ASIC2: variants seen among roughly 807,000 people sequenced by gnomAD.
The protein encoded by ASIC2 is acid-sensing ion channel 2.
A neutral mutation model predicts 57.3 loss-of-function variants in ASIC2; 25 were observed. The observed-to-expected ratio is 0.44, with a 90% confidence interval of 0.32 to 0.61. ASIC2 has a LOEUF of 0.61. Ranked by LOEUF, ASIC2 falls within the 20% of genes least tolerant of loss-of-function variation. The pLI, the probability that ASIC2 is intolerant of heterozygous loss-of-function variation, is 0.06. For missense variants in ASIC2, 641 were observed against 738.1 expected (o/e 0.87, Z 1.52); for synonymous variants, 319 against 307.5 (o/e 1.04, Z -0.39).
At chr17:33,499,465 C>T (rs1272331326) in intron 1 of ASIC2, among the ~76,000 whole-genome samples, 6 of 152,156 alleles carry the variant, frequency 3.9e-5, no homozygotes, top group Non-Finnish European at 8.8e-5. Flanking sequence ...CACGTAAACA[C>T]GAAGGCAGAG....
intron 1 of ASIC2, among the ~76,000 whole-genome samples, chr17:33,161,576 T>C (rs1161609567): frequency 6.6e-6 from 1 of 152,250 alleles, no homozygotes; most frequent in Non-Finnish European, 1.5e-5. Context: ...ATTTCCTTGC[T>C]TATTTTCTGC....
chr17:33,581,679 G>A (rs554914548), intron 1 of ASIC2, among the ~76,000 whole-genome samples: 73 of 152,146 alleles, frequency 4.8e-4, no homozygotes, highest in Non-Finnish European at 7.4e-4. Context: ...ATTCCTATTG[G>A]CTACCCTTTA....
At chr17:33,023,829 T>G (rs776190383) in intron 6 of ASIC2, 32 bp downstream of exon 6, 5 of 1,612,696 alleles carry the variant, frequency 3.1e-6, no homozygotes, top group Non-Finnish European at 3.4e-6. Context: ...CAGTTCCCCC[T>G]TCCCCCTGCC....
chr17:33,421,322 G>A (rs986750233), intron 1 of ASIC2, among the ~76,000 whole-genome samples: 9 of 152,198 alleles, frequency 5.9e-5, no homozygotes, highest in Admixed American at 5.2e-4. Flanking sequence ...GTAATGAGCT[G>A]ATCTGAAATA....
At chr17:34,107,193 C>T (rs968116493) in intron 1 of ASIC2, among the ~76,000 whole-genome samples, 8 of 152,082 alleles carry the variant, frequency 5.3e-5, no homozygotes, top group African/African-American at 9.7e-5. Context: ...CTTTGACCCT[C>T]GGTATCATTT....
intron 1 of ASIC2, among the ~76,000 whole-genome samples, chr17:33,848,062 G>A (rs1913660781): frequency 1.3e-5 from 2 of 152,158 alleles, no homozygotes; most frequent in South Asian, 4.1e-4. Flanking sequence ...AGACTGCACA[G>A]AGAAGGTTAA....
intron 1 of ASIC2, among the ~76,000 whole-genome samples, chr17:33,535,115 T>C (rs1026337915): frequency 2.0e-5 from 3 of 152,166 alleles, no homozygotes; most frequent in Admixed American, 6.5e-5. Context: ...CAGAGATGAA[T>C]GGCCATCCAT....
chr17:33,501,243 C>T (rs1290528723), intron 1 of ASIC2, among the ~76,000 whole-genome samples: 2 of 152,224 alleles, frequency 1.3e-5, no homozygotes, highest in African/African-American at 2.4e-5. Context: ...GTATCTCAGC[C>T]GCTCACAAAG....
intron 3 of ASIC2, among the ~76,000 whole-genome samples, chr17:33,067,726 TC>T: frequency 1.3e-5 from 2 of 152,150 alleles, no homozygotes; most frequent in East Asian, 3.9e-4. Flanking sequence ...AACTGAACTC[TC>T]ATCAGGGTAG....
At chr17:33,426,862 A>C (rs914331038) in intron 1 of ASIC2, among the ~76,000 whole-genome samples, 1 of 152,214 alleles carries the variant, frequency 6.6e-6, no homozygotes, top group African/African-American at 2.4e-5. Flanking sequence ...GATGGGAAAA[A>C]ACAAGGTGCT....
chr17:33,808,341 C>T (rs74341635), intron 1 of ASIC2, among the ~76,000 whole-genome samples: 10 of 152,342 alleles, frequency 6.6e-5, no homozygotes, highest in South Asian at 2.1e-4. Flanking sequence ...AGTATATTTA[C>T]GTGAGTCCCT....
At chr17:33,502,476 G>A (rs777598142) in intron 1 of ASIC2, among the ~76,000 whole-genome samples, 6 of 152,208 alleles carry the variant, frequency 3.9e-5, no homozygotes, top group Non-Finnish European at 8.8e-5. Context: ...AGTAGAGCTG[G>A]CCGCTAGCTT....
At position 33,119,300 on chromosome 17, in the gene ASIC2, C is replaced by T. The variant is rs539938602; in HGVS notation, c.709-7233G>A. Reference sequence around the variant, plus strand: ...CTAAAACTTAGCTGTTTTTTCTCTTCCCTGAGTCAATTCCGCTTTCTTCTC... The same window carrying T: ...CTAAAACTTAGCTGTTTTTTCTCTTTCCTGAGTCAATTCCGCTTTCTTCTC... On this transcript the variant is annotated intron_variant, in intron 1 of 9. Coordinates refer to ENST00000225823, the MANE Select transcript of ASIC2 (RefSeq NM_183377.2). Among the ~76,000 whole-genome samples the T allele has an allele frequency of 2.2e-4, 33 of 152,298 alleles. 1 individual carries two copies. In the East Asian group the frequency reaches 6.4e-3, roughly 29 times the overall value.
At position 34,017,180 on chromosome 17, in the gene ASIC2, C is replaced by T. The variant is rs534893632; in HGVS notation, c.555+138798G>A. Among the ~76,000 whole-genome samples the T allele has an allele frequency of 2.0e-4, 30 of 152,296 alleles. No homozygotes were observed. The South Asian group carries it at 2.1e-3, about 11-fold the overall frequency. ...CTGTCTCACATTTTGGGAATTCTCA[C>T]AATATTTCAAACTTTTTCATTACCA... On this transcript the variant is annotated intron_variant, in intron 1 of 9. Coordinates refer to the ASIC2 transcript ENST00000359872.
intron 1 of ASIC2, among the ~76,000 whole-genome samples, chr17:33,409,521 A>G (rs1182063659): frequency 1.3e-5 from 2 of 152,208 alleles, no homozygotes; most frequent in Non-Finnish European, 1.5e-5. Context: ...GAGATGCGTG[A>G]AGTTGGCATC....
chr17:34,068,425 C>T (rs992426220), intron 1 of ASIC2, among the ~76,000 whole-genome samples: 1 of 152,132 alleles, frequency 6.6e-6, no homozygotes, highest in African/African-American at 2.4e-5. Flanking sequence ...TTCCCTGGTT[C>T]GATAAGCTAT....
chr17:33,503,512 T>C (rs972935347), intron 1 of ASIC2, among the ~76,000 whole-genome samples: 3 of 152,120 alleles, frequency 2.0e-5, no homozygotes, highest in African/African-American at 7.2e-5. Context: ...CTCACTCCAG[T>C]AACAAAGGCA....
chr17:33,110,571 C>G (rs2092253454), intron 2 of ASIC2, among the ~76,000 whole-genome samples: 2 of 152,268 alleles, frequency 1.3e-5, no homozygotes, highest in East Asian at 3.9e-4. Flanking sequence ...GTTGGAGGAG[C>G]AGAGGACTGG....
At chr17:33,436,928 C>T (rs1294904678) in intron 1 of ASIC2, among the ~76,000 whole-genome samples, 14 of 126,114 alleles carry the variant, frequency 1.1e-4, no homozygotes, top group African/African-American at 3.0e-4. Context: ...TGCAGTGGCG[C>T]GATCTCGGCT....
Sources: gnomAD v4.1 joint callset for allele counts (sites outside exome capture counted in the v4.1 genomes callset) on GRCh38, gnomAD v4.1.1 for gene constraint, MANE v1.5 for transcripts, NCBI Gene and HGNC (gene_info 2026-07-23, HGNC 2026-07-21) for gene names.